SLCO3A1: variants seen among roughly 807,000 people sequenced by gnomAD.
SLCO3A1 encodes the protein PGE1 transporter.
A neutral mutation model predicts 63.1 loss-of-function variants in SLCO3A1; 27 were observed. The observed-to-expected ratio is 0.43, with a 90% CI of 0.32 to 0.59. The LOEUF is 0.59. SLCO3A1 is among the 20% of genes least tolerant of loss of function. The pLI is 0.09. For synonymous variants in SLCO3A1, 473 were observed against 409.9 expected, an observed-to-expected ratio of 1.15 and a Z score of -1.86; for missense variants, 773 against 945.8, an observed-to-expected ratio of 0.82 and a Z score of 2.40.
intron 2 of SLCO3A1, among the ~76,000 whole-genome samples, chr15:92,035,064 A>G (rs1034503822): frequency 3.3e-5 from 5 of 151,852 alleles, no homozygotes; most frequent in Non-Finnish European, 7.4e-5. Context: ...AATCCAGGAC[A>G]ATGAAGCTCC....
intron 2 of SLCO3A1, among the ~76,000 whole-genome samples, chr15:92,045,377 T>C (rs2046848885): frequency 6.6e-6 from 1 of 152,116 alleles, no homozygotes; most frequent in Non-Finnish European, 1.5e-5. Flanking sequence ...AAATCACTTA[T>C]AATTCTGCCA....
intron 2 of SLCO3A1, among the ~76,000 whole-genome samples, chr15:91,972,326 G>A (rs1900908183): frequency 1.3e-5 from 2 of 152,128 alleles, no homozygotes; most frequent in South Asian, 4.1e-4. Flanking sequence ...CTAACCCAAG[G>A]TGGGTTAGAT....
intron 2 of SLCO3A1, among the ~76,000 whole-genome samples, chr15:91,937,932 A>G (rs1361941649): frequency 2.0e-5 from 3 of 152,112 alleles, no homozygotes; most frequent in African/African-American, 7.2e-5. Context: ...GGCGGTATCT[A>G]CCTTATGGGG....
At chr15:92,041,111 G>C (rs2046791484) in intron 2 of SLCO3A1, among the ~76,000 whole-genome samples, 1 of 152,094 alleles carries the variant, frequency 6.6e-6, no homozygotes, top group Non-Finnish European at 1.5e-5. Flanking sequence ...TAGTCTACAG[G>C]AAGCCTCCTG....
At chr15:92,065,852 G>T (rs1279520540) in intron 2 of SLCO3A1, among the ~76,000 whole-genome samples, 1 of 152,208 alleles carries the variant, frequency 6.6e-6, no homozygotes, top group Admixed American at 6.5e-5. Flanking sequence ...AAGTGGAGAA[G>T]AAGTTATGTG....
rs2047853641 is a variant in SLCO3A1 at position 92,120,724 on chromosome 15, T to G, written c.1174+95T>G. 7 of 1,043,066 alleles carry G rather than the reference T, an allele frequency of 6.7e-6. No homozygotes were observed. The East Asian group carries it at 1.7e-4, about 25-fold the overall frequency. The allele number at this position is 1,043,066 out of a possible 1,614,324, so 64.6% of individuals were successfully genotyped here. On this transcript the variant is annotated intron_variant, in intron 5 of 9. Coordinates refer to ENST00000318445, the MANE Select transcript of SLCO3A1 (RefSeq NM_013272.4). Reference sequence around the variant, plus strand: ...ACTGAGCCCTGCTGAAGAACCCCACTCTGCTCTGGGCCTACAGCAACAAGA... The same window carrying G: ...ACTGAGCCCTGCTGAAGAACCCCACGCTGCTCTGGGCCTACAGCAACAAGA...
At position 92,151,002 on chromosome 15, in the gene SLCO3A1, C is replaced by G. The variant is rs769705703; in HGVS notation, c.1741C>G (p.Leu581Val). 1 of 1,611,524 alleles carries G rather than the reference C, an allele frequency of 6.2e-7. No individual in the cohort carries two copies. Among genetic ancestry groups the G allele is most frequent in the Non-Finnish European group, 8.5e-7 (1 of 1,178,122 alleles). The change falls in exon 9 of 10, where the codon CTT (leucine) becomes GTT (valine). Residue 581 changes from leucine (L) to valine (V), a missense_variant. Coordinates refer to ENST00000318445, the MANE Select transcript of SLCO3A1 (RefSeq NM_013272.4). ...SYALGVLFLL[L>V]RLLGFIPPPL... ...CGCTTTGGGAGTTCTTTTTCTCCTC[C>G]TTCGTTTGTTGGGTATGTATTATCT... is the stretch of plus-strand genomic sequence containing the variant.
intron 2 of SLCO3A1, among the ~76,000 whole-genome samples, chr15:91,998,829 C>T (rs1178431375): frequency 6.6e-6 from 1 of 152,208 alleles, no homozygotes; most frequent in Non-Finnish European, 1.5e-5. Flanking sequence ...ACTAAAAAGA[C>T]ACATGTACGT....
rs145952357 is a variant in SLCO3A1 at position 92,095,412 on chromosome 15, G to T, written c.745+433G>T. Among the ~76,000 whole-genome samples the T allele has an allele frequency of 3.2e-3, 494 of 152,346 alleles. 4 individuals carry two copies. Among genetic ancestry groups the T allele is most frequent in the African/African-American group, 0.011 (442 of 41,584 alleles). Reference sequence around the variant, plus strand: ...AAGTTGGAGCATGTGTTCTGGAGGTGCAAGTGTACAAACGGGGTCAATGAG... The same window carrying T: ...AAGTTGGAGCATGTGTTCTGGAGGTTCAAGTGTACAAACGGGGTCAATGAG... On this transcript the variant is annotated intron_variant, in intron 3 of 9. Coordinates refer to ENST00000318445, the MANE Select transcript of SLCO3A1 (RefSeq NM_013272.4).
intron 4 of SLCO3A1, among the ~76,000 whole-genome samples, chr15:92,109,851 A>G (rs1038504072): frequency 6.6e-6 from 1 of 152,106 alleles, no homozygotes; most frequent in Non-Finnish European, 1.5e-5. Context: ...GGATCAGGAC[A>G]CCAAGGCTGG....
chr15:91,946,958 T>C (rs1899827812), intron 2 of SLCO3A1, among the ~76,000 whole-genome samples: 1 of 152,198 alleles, frequency 6.6e-6, no homozygotes, highest in Admixed American at 6.5e-5. Context: ...AATGTGTCCA[T>C]GAGTCCAAGA....
intron 1 of SLCO3A1, among the ~76,000 whole-genome samples, chr15:91,864,490 CTTTTTT>C (rs56982912): frequency 7.5e-6 from 1 of 133,716 alleles, no homozygotes; most frequent in Non-Finnish European, 1.6e-5. Context: ...AAATGTTCCT[CTTTTTT>C]TTTTTTTTTT....
intron 1 of SLCO3A1, among the ~76,000 whole-genome samples, chr15:91,906,655 A>G (rs1898317594): frequency 6.6e-6 from 1 of 152,240 alleles, no homozygotes; most frequent in Non-Finnish European, 1.5e-5. Context: ...TGAGGAAATC[A>G]TTGAAATCAT....
At chr15:91,951,905 T>C (rs550639914) in intron 2 of SLCO3A1, among the ~76,000 whole-genome samples, 1 of 152,332 alleles carries the variant, frequency 6.6e-6, no homozygotes, top group South Asian at 2.1e-4. Context: ...CTTTTGTATA[T>C]ACCGAGAATT....
chr15:91,880,130 C>CGTCA, intron 1 of SLCO3A1, among the ~76,000 whole-genome samples: 1 of 117,980 alleles, frequency 8.5e-6, no homozygotes, highest in South Asian at 2.6e-4. Context: ...TCCGTCCGTC[C>CGTCA]GTCCATCCAT....
At chr15:92,047,592 TAATATATAA>T (rs2046901923) in intron 2 of SLCO3A1, among the ~76,000 whole-genome samples, 2 of 22,778 alleles carry the variant, frequency 8.8e-5, no homozygotes, top group African/African-American at 3.7e-4. Context: ...AATATATATA[TAATATATAA>T]TATATATATA....
At chr15:92,043,032 G>C (rs2046818178) in intron 2 of SLCO3A1, among the ~76,000 whole-genome samples, 1 of 152,072 alleles carries the variant, frequency 6.6e-6, no homozygotes. Flanking sequence ...CTTTTTTGGT[G>C]ACCTACCTTT....
At chr15:92,093,812 C>G (rs1454558992) in intron 2 of SLCO3A1, among the ~76,000 whole-genome samples, 2 of 152,022 alleles carry the variant, frequency 1.3e-5, no homozygotes, top group African/African-American at 4.8e-5. Context: ...TTGGTCTACG[C>G]CTATGAACAG....
chr15:92,084,359 C>G (rs2047381111), intron 2 of SLCO3A1, among the ~76,000 whole-genome samples: 1 of 152,176 alleles, frequency 6.6e-6, no homozygotes, highest in Non-Finnish European at 1.5e-5. Context: ...TGATCAGAAG[C>G]ATTCTGTGCA....
Sources: allele counts gnomAD v4.1 joint callset (sites outside exome capture counted in the v4.1 genomes callset), GRCh38; gene constraint gnomAD v4.1.1; transcripts MANE v1.5; gene names NCBI Gene and HGNC (gene_info 2026-07-23, HGNC 2026-07-21).